The following RALGPS2 variants were observed in gnomAD, a reference collection of about 807,000 sequenced individuals.
RALGPS2 encodes the protein Ral GEF with PH domain and SH3 binding motif 2.
In RALGPS2, 43 loss-of-function variants were observed where a neutral mutation model predicts 86.8. That is an observed-to-expected ratio of 0.50 (90% CI 0.39 to 0.64). The LOEUF is 0.64. Among genes scored for constraint, RALGPS2 ranks in the 30% least tolerant of loss-of-function variants. RALGPS2 has a pLI of 0.00. For missense variants in RALGPS2, 536 were observed against 694.6 expected (o/e 0.77, Z 2.57); for synonymous variants, 243 against 231.3 (o/e 1.05, Z -0.46).
At chr1:178,864,106 T>C (rs1337751589) in intron 8 of RALGPS2, among the ~76,000 whole-genome samples, 1 of 152,046 alleles carries the variant, frequency 6.6e-6, no homozygotes, top group Non-Finnish European at 1.5e-5. Context: ...AAAATAAACA[T>C]AAAATACTGA....
At chr1:178,853,460 GATGTAGATAATGAAAAAACAT>G in intron 8 of RALGPS2, 2 of 816,242 alleles carry the variant, frequency 2.5e-6, no homozygotes, top group Non-Finnish European at 3.5e-6. Context: ...TTTTTTGACA[GATGTAGATAATGAAAAAACAT>G]ATGGATAGTT....
intron 8 of RALGPS2, among the ~76,000 whole-genome samples, chr1:178,874,097 T>C (rs1658891290): frequency 1.3e-5 from 2 of 152,050 alleles, no homozygotes; most frequent in African/African-American, 4.8e-5. Flanking sequence ...TAGGCAAAAG[T>C]AGGAATACAG....
chr1:178,817,452 C>T (rs1401497548), intron 6 of RALGPS2, among the ~76,000 whole-genome samples: 4 of 150,852 alleles, frequency 2.7e-5, no homozygotes, highest in East Asian at 1.9e-4. Context: ...TGATCAAATA[C>T]GTGTAGGTAT....
chr1:178,916,597 C>A lies in RALGPS2; in HGVS notation c.*238C>A. The stretch of plus-strand genomic sequence containing the variant: ...ACCATGCTTCTTATCTCAGAACTGA[C>A]CTGTGGAAACCACTGCCTTAAAAGA... On this transcript the variant is annotated 3_prime_UTR_variant, in exon 20 of 20. Transcript: ENST00000367635. The A allele has an allele frequency of 2.3e-6, 1 of 441,558 alleles. No individual in the cohort carries two copies. The highest frequency in any genetic ancestry group is 3.9e-6 in the Non-Finnish European group (1 of 253,230). 27.4% of individuals were successfully genotyped at this position (441,558 alleles called of 1,614,324 possible). A position where few individuals can be genotyped will look rare whatever the true frequency, so the allele number is the denominator to read the frequency against.
chr1:178,845,349 T>A (rs961684340), intron 8 of RALGPS2, among the ~76,000 whole-genome samples: 1 of 152,170 alleles, frequency 6.6e-6, no homozygotes, highest in Non-Finnish European at 1.5e-5. Flanking sequence ...TTCATGATAG[T>A]ACTTTTTTGT....
At chr1:178,916,231 A>G (rs1660809028) in intron 19 of RALGPS2, 99 bp from the exon 20 acceptor site, 3 of 919,880 alleles carry the variant, frequency 3.3e-6, no homozygotes, top group Non-Finnish European at 5.1e-6. Flanking sequence ...AAGATACTTA[A>G]GTAGAAAGAT....
At chr1:178,909,643 A>ATTTTTTTTTTTTTTTTTT (rs57890269) in intron 19 of RALGPS2, among the ~76,000 whole-genome samples, 10 of 72,388 alleles carry the variant, frequency 1.4e-4, no homozygotes, top group East Asian at 3.7e-4. Flanking sequence ...TTCTTTTTTA[A>ATTTTTTTTTTTTTTTTTT]TTTTTTTTTT....
At chr1:178,858,087 T>TA (rs1461858278) in intron 8 of RALGPS2, among the ~76,000 whole-genome samples, 1 of 152,158 alleles carries the variant, frequency 6.6e-6, no homozygotes, top group African/African-American at 2.4e-5. Context: ...TTGAAGTTCT[T>TA]TTCCAGAACA....
intron 8 of RALGPS2, chr1:178,849,913 T>G (rs1405868121): frequency 6.6e-6 from 1 of 152,270 alleles, no homozygotes; most frequent in Non-Finnish European, 1.5e-5. Context: ...TCTTTAAAAT[T>G]TTAACTTCAC....
intron 1 of RALGPS2, among the ~76,000 whole-genome samples, chr1:178,728,744 T>C (rs962284946): frequency 1.3e-5 from 2 of 152,146 alleles, no homozygotes; most frequent in Admixed American, 6.6e-5. Context: ...AGAATAAAGA[T>C]TGTGATAAAT....
chr1:178,823,990 A>G (rs530391235), intron 7 of RALGPS2, among the ~76,000 whole-genome samples: 2 of 152,344 alleles, frequency 1.3e-5, no homozygotes, highest in East Asian at 3.9e-4. Context: ...CCAAGTAGAG[A>G]TTGGAAAAAT....
At chr1:178,861,735 A>G (rs548362306) in intron 8 of RALGPS2, among the ~76,000 whole-genome samples, 7 of 152,242 alleles carry the variant, frequency 4.6e-5, no homozygotes, top group Non-Finnish European at 7.3e-5. Context: ...GATAAATTAT[A>G]TAAAAGCTTA....
At chr1:178,774,451 C>A (rs1039872378) in intron 1 of RALGPS2, among the ~76,000 whole-genome samples, 13 of 152,140 alleles carry the variant, frequency 8.5e-5, no homozygotes, top group Admixed American at 5.2e-4. Flanking sequence ...AAATCTTTTT[C>A]TTAGCACTAG....
At chr1:178,819,252 G>A (rs558767375) in intron 6 of RALGPS2, among the ~76,000 whole-genome samples, 28 of 152,032 alleles carry the variant, frequency 1.8e-4, no homozygotes, top group Non-Finnish European at 3.7e-4. Flanking sequence ...CTCAGCCGCC[G>A]GAAGTGCTGG....
intron 7 of RALGPS2, 92 bp downstream of exon 7, chr1:178,821,796 A>T: frequency 1.0e-6 from 1 of 980,740 alleles, no homozygotes. Flanking sequence ...TAAAGTTAAT[A>T]TAATGATAAT....
intron 8 of RALGPS2, among the ~76,000 whole-genome samples, chr1:178,849,187 A>C (rs368746513): frequency 4.6e-5 from 7 of 152,342 alleles, no homozygotes; most frequent in South Asian, 2.1e-4. Flanking sequence ...AAATTGCTCA[A>C]GGTAACACAG....
chr1:178,819,731 G>A (rs896376161), intron 6 of RALGPS2, among the ~76,000 whole-genome samples: 3 of 152,318 alleles, frequency 2.0e-5, no homozygotes, highest in Non-Finnish European at 1.5e-5. Flanking sequence ...TTCACTGGAA[G>A]AGTAGGTCAA....
chr1:178,853,032 T>G, intron 8 of RALGPS2: 1 of 1,506,826 alleles, frequency 6.6e-7, no homozygotes, highest in Non-Finnish European at 8.8e-7. Context: ...TGTTAAACAT[T>G]CGATAGCATA....
intron 15 of RALGPS2, chr1:178,893,695 A>G (rs1558174809): frequency 2.7e-6 from 1 of 366,714 alleles, no homozygotes; most frequent in Non-Finnish European, 4.9e-6. Context: ...TATGTAATAA[A>G]GTGTGTTTTT....
Sources: allele counts gnomAD v4.1 joint callset (sites outside exome capture counted in the v4.1 genomes callset), GRCh38; gene constraint gnomAD v4.1.1; transcripts MANE v1.5; gene names NCBI Gene and HGNC (gene_info 2026-07-23, HGNC 2026-07-21).